The following NTN4 variants were observed in gnomAD, a reference collection of about 807,000 sequenced individuals.
The protein encoded by NTN4 is netrin 4.
In NTN4, 32 loss-of-function variants were observed where a neutral mutation model predicts 73.6. That is an observed-to-expected ratio of 0.44 (90% CI 0.33 to 0.58). NTN4 has a LOEUF of 0.58. Among genes scored for constraint, NTN4 ranks in the 20% least tolerant of loss-of-function variants. The probability of loss-of-function intolerance (pLI) is 0.04; values close to 1 mark genes in which losing one functional copy is unlikely to be tolerated. For synonymous variants in NTN4, 258 were observed against 287.5 expected, an observed-to-expected ratio of 0.90 and a Z score of 1.04; for missense variants, 654 against 798.3, an observed-to-expected ratio of 0.82 and a Z score of 2.18.
intron 5 of NTN4, among the ~76,000 whole-genome samples, chr12:95,686,303 A>G (rs2078360611): frequency 6.6e-6 from 1 of 152,208 alleles, no homozygotes; most frequent in African/African-American, 2.4e-5. Flanking sequence ...ATTTCCATAC[A>G]TGTGATGTGC....
At chr12:95,724,972 A>G (rs1377829508) in intron 3 of NTN4, among the ~76,000 whole-genome samples, 4 of 147,656 alleles carry the variant, frequency 2.7e-5, no homozygotes, top group Non-Finnish European at 6.0e-5. Context: ...CTAAAATATT[A>G]GAAGTTCCAT....
At chr12:95,692,049 G>C (rs993451274) in intron 5 of NTN4, among the ~76,000 whole-genome samples, 2 of 151,546 alleles carry the variant, frequency 1.3e-5, no homozygotes, top group Admixed American at 6.6e-5. Context: ...ACCTTTTTTT[G>C]GGGGGGACAG....
chr12:95,734,225 A>G (rs2078759524), intron 3 of NTN4, among the ~76,000 whole-genome samples: 1 of 152,176 alleles, frequency 6.6e-6, no homozygotes, highest in Non-Finnish European at 1.5e-5. Context: ...TCTAGCCCAT[A>G]AAATCAGGTT....
intron 4 of NTN4, among the ~76,000 whole-genome samples, chr12:95,711,938 A>T (rs2078567271): frequency 6.6e-6 from 1 of 152,212 alleles, no homozygotes; most frequent in Non-Finnish European, 1.5e-5. Flanking sequence ...GTGTTATGAA[A>T]TTCTGACCAG....
At chr12:95,754,445 A>G (rs1422297825) in intron 2 of NTN4, among the ~76,000 whole-genome samples, 1 of 152,160 alleles carries the variant, frequency 6.6e-6, no homozygotes, top group African/African-American at 2.4e-5. Context: ...TTATTAATAT[A>G]AGAAGGCAGG....
intron 2 of NTN4, among the ~76,000 whole-genome samples, chr12:95,763,154 A>C (rs377582801): frequency 6.6e-6 from 1 of 152,226 alleles, no homozygotes; most frequent in East Asian, 1.9e-4. Flanking sequence ...ACAAAAATGG[A>C]TAAATTAATA....
chr12:95,658,991 T>G lies in NTN4; in HGVS notation c.*95A>C. The stretch of plus-strand genomic sequence containing the variant: ...CAAACATTTCTATATGTTTTGGCAC[T>G]TTAAAAAATTCCAGTTTCCTGTCTG... On this transcript the variant is annotated 3_prime_UTR_variant, in exon 10 of 10. Coordinates refer to ENST00000343702, the MANE Select transcript of NTN4 (RefSeq NM_021229.4). 8.2e-7 allele frequency: 1 copy of G among 1,226,500 alleles called. No homozygotes were observed. The highest frequency in any genetic ancestry group is 1.1e-6 in the Non-Finnish European group (1 of 884,822). 76.0% of individuals were successfully genotyped at this position (1,226,500 alleles called of 1,614,324 possible).
chr12:95,760,570 T>C (rs551968216), intron 2 of NTN4, among the ~76,000 whole-genome samples: 2 of 152,300 alleles, frequency 1.3e-5, no homozygotes, highest in Non-Finnish European at 2.9e-5. Context: ...GGCTTGGAAA[T>C]GTCCAATCAG....
At chr12:95,750,492 A>G (rs1162539091) in intron 2 of NTN4, among the ~76,000 whole-genome samples, 1 of 152,190 alleles carries the variant, frequency 6.6e-6, no homozygotes, top group Non-Finnish European at 1.5e-5. Context: ...ACTCAACAGT[A>G]GTTCCAAATA....
intron 9 of NTN4, among the ~76,000 whole-genome samples, chr12:95,660,271 T>A (rs1003938829): frequency 6.6e-6 from 1 of 152,220 alleles, no homozygotes; most frequent in African/African-American, 2.4e-5. Flanking sequence ...TGCCTCGGCC[T>A]CCCAAAGTGC....
intron 2 of NTN4, among the ~76,000 whole-genome samples, chr12:95,744,279 T>A (rs1057010552): frequency 6.6e-6 from 1 of 152,218 alleles, no homozygotes; most frequent in African/African-American, 2.4e-5. Flanking sequence ...TTGGCAATAT[T>A]CTTTGATCTA....
At chr12:95,718,256 T>TA (rs1166109725) in intron 3 of NTN4, among the ~76,000 whole-genome samples, 1 of 152,226 alleles carries the variant, frequency 6.6e-6, no homozygotes, top group African/African-American at 2.4e-5. Context: ...AACTGGAAGA[T>TA]ACACGGGACT....
intron 2 of NTN4, among the ~76,000 whole-genome samples, chr12:95,783,261 G>C (rs986684913): frequency 2.6e-5 from 4 of 152,232 alleles, no homozygotes; most frequent in Admixed American, 6.5e-5. Flanking sequence ...TCTGCAAAAA[G>C]AGGGTTTCAT....
chr12:95,661,463 G>A (rs1020310258), intron 9 of NTN4, among the ~76,000 whole-genome samples: 5 of 152,222 alleles, frequency 3.3e-5, no homozygotes, highest in South Asian at 2.1e-4. Flanking sequence ...CTGGATGCTT[G>A]TAGAATGCTA....
chr12:95,712,939 A>G (rs569321361), intron 4 of NTN4, among the ~76,000 whole-genome samples: 1 of 151,784 alleles, frequency 6.6e-6, no homozygotes, highest in African/African-American at 2.4e-5. Context: ...TCCTGTTTTT[A>G]TTATGTCAAA....
intron 3 of NTN4, among the ~76,000 whole-genome samples, chr12:95,722,973 C>CCA (rs2078661008): frequency 1.8e-5 from 1 of 55,374 alleles, no homozygotes; most frequent in Non-Finnish European, 3.2e-5. Context: ...GACTCTGTCT[C>CCA]AAAAAAAAAA....
chr12:95,752,799 C>A (rs2078919809), intron 2 of NTN4, among the ~76,000 whole-genome samples: 1 of 151,946 alleles, frequency 6.6e-6, no homozygotes. Context: ...GCCTAGCCCT[C>A]ATGTCTGCGT....
At chr12:95,737,270 A>G (rs1346962014) in intron 3 of NTN4, among the ~76,000 whole-genome samples, 1 of 152,190 alleles carries the variant, frequency 6.6e-6, no homozygotes, top group African/African-American at 2.4e-5. Context: ...CTTGGTCCTG[A>G]GGATACAAAG....
At chr12:95,773,244 T>C (rs2079070005) in intron 2 of NTN4, among the ~76,000 whole-genome samples, 1 of 152,142 alleles carries the variant, frequency 6.6e-6, no homozygotes, top group African/African-American at 2.4e-5. Context: ...CCTCAGGTGA[T>C]TCACCAGCCT....
Sources: allele counts gnomAD v4.1 joint callset (sites outside exome capture counted in the v4.1 genomes callset), GRCh38; gene constraint gnomAD v4.1.1; transcripts MANE v1.5; gene names NCBI Gene and HGNC (gene_info 2026-07-23, HGNC 2026-07-21).